RGS6: variants seen among roughly 807,000 people sequenced by gnomAD.
The protein encoded by RGS6 is regulator of G-protein signaling 6.
RGS6 carries 30 observed loss-of-function variants against 78.5 expected under a neutral mutation model. That is an observed-to-expected ratio of 0.38 (90% CI 0.29 to 0.52). The LOEUF is 0.52. Ranked by LOEUF, RGS6 falls within the 20% of genes least tolerant of loss-of-function variation. The probability of loss-of-function intolerance (pLI) is 0.85; values close to 1 mark genes in which losing one functional copy is unlikely to be tolerated. For synonymous variants in RGS6, 206 were observed against 206.0 expected, an observed-to-expected ratio of 1.00 and a Z score of 0.00; for missense variants, 495 against 609.7, an observed-to-expected ratio of 0.81 and a Z score of 1.98.
At chr14:72,423,621 G>T (rs2094304470) in intron 3 of RGS6, among the ~76,000 whole-genome samples, 1 of 151,638 alleles carries the variant, frequency 6.6e-6, no homozygotes, top group Non-Finnish European at 1.5e-5. Context: ...GCTAAACATT[G>T]GGTCCTCATG....
intron 12 of RGS6, among the ~76,000 whole-genome samples, 181 bp from the exon 13 acceptor site, chr14:72,494,971 C>T (rs114186585): frequency 5.2e-4 from 79 of 152,132 alleles, no homozygotes; most frequent in African/African-American, 1.3e-3. Context: ...ATGGTATGTT[C>T]GTTATAAGAA....
chr14:72,536,377 T>G, intron 16 of RGS6, 102 bp downstream of exon 16: 1 of 868,526 alleles, frequency 1.2e-6, no homozygotes, highest in Non-Finnish European at 1.9e-6. Flanking sequence ...TTTTATTTAT[T>G]TCCTACTTTC....
chr14:72,585,500 C>A, the RGS6 span, among the ~76,000 whole-genome samples: 2 of 152,186 alleles, frequency 1.3e-5, no homozygotes, highest in Admixed American at 6.5e-5. Context: ...AGGCCTCATC[C>A]AAGCCCTCTG....
intron 2 of RGS6, among the ~76,000 whole-genome samples, chr14:72,154,155 G>T (rs917027818): frequency 1.3e-5 from 2 of 152,060 alleles, no homozygotes; most frequent in African/African-American, 2.4e-5. Context: ...ATAGGCTCTC[G>T]GCAAGAAGAA....
the RGS6 span, among the ~76,000 whole-genome samples, chr14:71,894,425 A>C: frequency 1.3e-5 from 2 of 152,216 alleles, no homozygotes; most frequent in Non-Finnish European, 2.9e-5. Flanking sequence ...CTTGTAGCAG[A>C]GCACATGTCC....
chr14:72,086,296 G>T (rs2095038117), intron 2 of RGS6, among the ~76,000 whole-genome samples: 1 of 151,938 alleles, frequency 6.6e-6, no homozygotes, highest in Non-Finnish European at 1.5e-5. Flanking sequence ...TGGTCTAAAG[G>T]CATTAGAGTT....
chr14:72,620,067 T>G, the RGS6 span: 1 of 1,387,984 alleles, frequency 7.2e-7, no homozygotes, highest in South Asian at 1.5e-5. Context: ...CCCATCAGCC[T>G]TATTTCCACG....
At chr14:72,210,002 C>A (rs2043681478) in intron 2 of RGS6, among the ~76,000 whole-genome samples, 1 of 152,074 alleles carries the variant, frequency 6.6e-6, no homozygotes, top group African/African-American at 2.4e-5. Context: ...TAGAGAGCAC[C>A]CTTTTATGGA....
At chr14:72,183,423 A>G (rs1256009755) in intron 2 of RGS6, among the ~76,000 whole-genome samples, 3 of 152,166 alleles carry the variant, frequency 2.0e-5, no homozygotes, top group Non-Finnish European at 4.4e-5. Context: ...CTGGCCTAGT[A>G]CTTATATTGT....
chr14:72,453,241 A>G (rs1050336710), intron 3 of RGS6, among the ~76,000 whole-genome samples: 2 of 152,140 alleles, frequency 1.3e-5, no homozygotes, highest in African/African-American at 4.8e-5. Context: ...TAGGGATTCT[A>G]AACACAGGTT....
chr14:71,912,982 C>T, the RGS6 span, among the ~76,000 whole-genome samples: 3 of 152,018 alleles, frequency 2.0e-5, 1 homozygote, highest in East Asian at 5.8e-4. Context: ...CCCACCACCA[C>T]ACCCGGCTAA....
intron 3 of RGS6, among the ~76,000 whole-genome samples, chr14:72,419,371 G>T (rs1363529294): frequency 1.3e-5 from 2 of 152,188 alleles, no homozygotes; most frequent in Non-Finnish European, 2.9e-5. Context: ...GAGAAGTTCA[G>T]CAACTTGTCC....
chr14:72,263,271 T>C (rs2058482224), intron 2 of RGS6, among the ~76,000 whole-genome samples: 1 of 152,222 alleles, frequency 6.6e-6, no homozygotes, highest in Non-Finnish European at 1.5e-5. Context: ...TCTTTATATG[T>C]GTAAGAGATT....
the RGS6 span, among the ~76,000 whole-genome samples, chr14:71,883,079 G>A: frequency 6.6e-6 from 1 of 152,196 alleles, no homozygotes; most frequent in African/African-American, 2.4e-5. Context: ...CCTCTTAACT[G>A]TGGCCTAAGT....
At chr14:72,234,477 GA>G (rs1428403390) in intron 2 of RGS6, among the ~76,000 whole-genome samples, 1 of 152,152 alleles carries the variant, frequency 6.6e-6, no homozygotes, top group African/African-American at 2.4e-5. Context: ...CATTCAATAT[GA>G]AGGCAAATTT....
intron 13 of RGS6, among the ~76,000 whole-genome samples, chr14:72,502,775 G>A (rs78632533): frequency 2.5e-4 from 26 of 105,376 alleles, no homozygotes; most frequent in African/African-American, 5.4e-4. Context: ...AGAAAAGAAA[G>A]GAAAAGAAAA....
At chr14:72,421,749 C>G (rs770849548) in intron 3 of RGS6, 1 of 152,232 alleles carries the variant, frequency 6.6e-6, no homozygotes. Context: ...GTATATTGTT[C>G]CTGGGCAGTT....
chr14:72,227,508 T>G (rs576429319), intron 2 of RGS6, among the ~76,000 whole-genome samples: 21 of 152,164 alleles, frequency 1.4e-4, no homozygotes, highest in Non-Finnish European at 2.5e-4. Context: ...AAACCCCTAG[T>G]GTTTTGGGCA....
At chr14:71,900,543 A>G in the RGS6 span, among the ~76,000 whole-genome samples, 1 of 152,182 alleles carries the variant, frequency 6.6e-6, no homozygotes, top group South Asian at 2.1e-4. Flanking sequence ...TTCCCTGTGT[A>G]CTTATTCTGT....
Sources: allele counts gnomAD v4.1 joint callset (sites outside exome capture counted in the v4.1 genomes callset), GRCh38; gene constraint gnomAD v4.1.1; transcripts MANE v1.5; gene names NCBI Gene and HGNC (gene_info 2026-07-23, HGNC 2026-07-21).